SH3PXD2B: variants seen among roughly 807,000 people sequenced by gnomAD.
SH3PXD2B encodes the protein SH3 and PX domain-containing protein 2B.
In SH3PXD2B, 37 loss-of-function variants were observed where a neutral mutation model predicts 73.1. The ratio of observed to expected loss-of-function variants is 0.51; its 90% CI spans 0.39 to 0.67. The LOEUF is 0.67. Ranked by LOEUF, SH3PXD2B falls within the 30% of genes least tolerant of loss-of-function variation. SH3PXD2B has a pLI of 0.00. For missense variants in SH3PXD2B, 1,053 were observed against 1,197.8 expected, an observed-to-expected ratio of 0.88 and a Z score of 1.78; for synonymous variants, 457 against 480.5, an observed-to-expected ratio of 0.95 and a Z score of 0.64.
chr5:172,404,885 C>T (rs1467278140), intron 3 of SH3PXD2B, among the ~76,000 whole-genome samples: 1 of 152,186 alleles, frequency 6.6e-6, no homozygotes, highest in African/African-American at 2.4e-5. Context: ...CCAGCCATAC[C>T]TGTGTCTGAA....
intron 1 of SH3PXD2B, among the ~76,000 whole-genome samples, chr5:172,430,498 C>T (rs907706936): frequency 1.3e-5 from 2 of 152,266 alleles, no homozygotes; most frequent in African/African-American, 4.8e-5. Context: ...CCCCCACCCA[C>T]CCTGGGCCTC....
chr5:172,390,726 CGCTTGAGTAT>C (rs1310649097), intron 4 of SH3PXD2B, among the ~76,000 whole-genome samples: 1 of 152,046 alleles, frequency 6.6e-6, no homozygotes, highest in African/African-American at 2.4e-5. Context: ...GTTTTCAATT[CGCTTGAGTAT>C]ATACCTAAGA....
rs745457273 is a variant in SH3PXD2B, at chr5:172,339,574, TCTC to T, written c.1528_1530del (p.Glu510del). Reference sequence around the variant, plus strand: ...TTCTCCTCCATGTCGGGGTCTGAGATCTCCTCGTAGCCTGCTGACGCAGACATG... The same window carrying T: ...TTCTCCTCCATGTCGGGGTCTGAGATCTCGTAGCCTGCTGACGCAGACATG... On this transcript the variant is annotated inframe_deletion, in exon 13 of 13. Coordinates refer to ENST00000311601, the MANE Select transcript of SH3PXD2B (RefSeq NM_001017995.3). This position sits in a 1 kb window ranked among gnomAD's most constrained non-coding sequence, Gnocchi z 6.1. 2.5e-6 allele frequency: 4 copies of T among 1,614,094 alleles called. No individual in the cohort carries two copies. The highest frequency in any genetic ancestry group is 1.1e-5 in the South Asian group (1 of 91,092).
rs1313640282 is a variant in SH3PXD2B at position 172,336,412 on chromosome 5, G to C, written c.*1957C>G. Reference sequence around the variant, plus strand: ...CTCTGGGCACAGGGCCAAGTGGCAAGTGGGCCCTGCCCAAGCCTCTCTGGG... The same window carrying C: ...CTCTGGGCACAGGGCCAAGTGGCAACTGGGCCCTGCCCAAGCCTCTCTGGG... On this transcript the variant is annotated 3_prime_UTR_variant, in exon 13 of 13. Coordinates refer to ENST00000311601, the MANE Select transcript of SH3PXD2B (RefSeq NM_001017995.3). The C allele has an allele frequency of 1.0e-6, 1 of 985,802 alleles. No homozygotes were observed. The highest frequency in any genetic ancestry group is 1.7e-5 in the African/African-American group (1 of 57,258). 61.1% of individuals were successfully genotyped at this position (985,802 alleles called of 1,614,324 possible).
At chr5:172,443,841 G>C (rs1294896855) in intron 1 of SH3PXD2B, among the ~76,000 whole-genome samples, 1 of 152,252 alleles carries the variant, frequency 6.6e-6, no homozygotes. Flanking sequence ...TTATGTGCTT[G>C]AAGGCAACTT....
At chr5:172,415,260 C>T (rs576736450) in intron 2 of SH3PXD2B, among the ~76,000 whole-genome samples, 8 of 152,288 alleles carry the variant, frequency 5.3e-5, no homozygotes, top group South Asian at 2.1e-4. Context: ...AAAGGTTGCA[C>T]GGTACAGTGT....
At chr5:172,371,661 C>T (rs371528323) in intron 6 of SH3PXD2B, among the ~76,000 whole-genome samples, 11 of 152,298 alleles carry the variant, frequency 7.2e-5, no homozygotes, top group Admixed American at 4.6e-4. Flanking sequence ...AGGTGAATGA[C>T]GTAACAGCAG....
intron 1 of SH3PXD2B, among the ~76,000 whole-genome samples, chr5:172,448,824 G>T (rs1235369761): frequency 1.3e-5 from 2 of 152,236 alleles, no homozygotes; most frequent in African/African-American, 2.4e-5. Context: ...TAACACCCGA[G>T]TTCTTTCCAC....
intron 6 of SH3PXD2B, among the ~76,000 whole-genome samples, chr5:172,372,675 T>C (rs1047303129): frequency 6.6e-6 from 1 of 152,172 alleles, no homozygotes; most frequent in African/African-American, 2.4e-5. Flanking sequence ...AATATGATTA[T>C]AAATCCTATA....
chr5:172,350,641 A>G, intron 9 of SH3PXD2B, 52 bp from the exon 10 acceptor site: 3 of 1,527,566 alleles, frequency 2.0e-6, no homozygotes, highest in Admixed American at 1.9e-5. Flanking sequence ...GCCCAAGGGA[A>G]GAAGCCTTGC....
chr5:172,420,337 T>C (rs1012785696), intron 2 of SH3PXD2B, among the ~76,000 whole-genome samples: 7 of 152,344 alleles, frequency 4.6e-5, no homozygotes, highest in South Asian at 2.1e-4. Flanking sequence ...AGGTAACTGG[T>C]GTCTCACTTG....
chr5:172,327,901 T>C (rs1561883754), intron 12 of SH3PXD2B, among the ~76,000 whole-genome samples: 2 of 151,944 alleles, frequency 1.3e-5, no homozygotes, highest in African/African-American at 4.8e-5. Context: ...ATTACAAGCA[T>C]GTGGCACCAT....
At chr5:172,429,326 T>C (rs1183459679) in intron 1 of SH3PXD2B, among the ~76,000 whole-genome samples, 1 of 85,548 alleles carries the variant, frequency 1.2e-5, no homozygotes, top group East Asian at 5.0e-4. Flanking sequence ...CCCCGCCCCT[T>C]GGGAGCAACA....
At chr5:172,423,068 T>C (rs770431889) in intron 1 of SH3PXD2B, among the ~76,000 whole-genome samples, 41 of 152,150 alleles carry the variant, frequency 2.7e-4, no homozygotes, top group Non-Finnish European at 4.9e-4. Flanking sequence ...GCTGATGAAA[T>C]TAAGGATGAA....
rs2113231261 is a variant in SH3PXD2B at position 172,333,979 on chromosome 5, G to C, written c.*4390C>G. 10 of 1,204,186 alleles carry C rather than the reference G, an allele frequency of 8.3e-6. No individual in the cohort carries two copies. The highest frequency in any genetic ancestry group is 1.0e-5 in the Non-Finnish European group (10 of 954,492). The allele number at this position is 1,204,186 out of a possible 1,614,324, so 74.6% of individuals were successfully genotyped here. On this transcript the variant is annotated 3_prime_UTR_variant, in exon 13 of 13. Coordinates refer to ENST00000311601, the MANE Select transcript of SH3PXD2B (RefSeq NM_001017995.3). ...TTAGAATTGCTTATTGCTGATGTAAGCCTGGTGGGGGCACCTTCTTTTTTA... is the reference window on the plus strand; with the variant it reads ...TTAGAATTGCTTATTGCTGATGTAACCCTGGTGGGGGCACCTTCTTTTTTA...
chr5:172,449,516 T>C (rs1195696176), intron 1 of SH3PXD2B, among the ~76,000 whole-genome samples: 1 of 152,140 alleles, frequency 6.6e-6, no homozygotes, highest in Non-Finnish European at 1.5e-5. Context: ...GTATCCCAAA[T>C]GTATAAATAA....
intron 3 of SH3PXD2B, among the ~76,000 whole-genome samples, chr5:172,400,436 T>C (rs577830480): frequency 2.2e-4 from 33 of 152,316 alleles, no homozygotes; most frequent in Non-Finnish European, 4.0e-4. Context: ...CTACTTTGCA[T>C]AGGAGGTTCA....
chr5:172,438,253 A>C (rs965832150), intron 1 of SH3PXD2B, among the ~76,000 whole-genome samples: 2 of 152,068 alleles, frequency 1.3e-5, no homozygotes, highest in African/African-American at 4.8e-5. Flanking sequence ...GGACACCCCA[A>C]GTCTCAGTCT....
intron 4 of SH3PXD2B, among the ~76,000 whole-genome samples, chr5:172,388,618 T>G (rs1758105806): frequency 6.6e-6 from 1 of 152,240 alleles, no homozygotes; most frequent in Admixed American, 6.5e-5. Flanking sequence ...TCTCGGATTT[T>G]AAATTTCCTT....
Sources: allele counts gnomAD v4.1 joint callset (sites outside exome capture counted in the v4.1 genomes callset), GRCh38; gene constraint gnomAD v4.1.1; non-coding constraint Gnocchi (gnomAD v3.1); transcripts MANE v1.5; gene names NCBI Gene and HGNC (gene_info 2026-07-23, HGNC 2026-07-21).